Variants in MBOAT2 observed in about 807,000 individuals in gnomAD.
The protein encoded by MBOAT2 is membrane-bound glycerophospholipid O-acyltransferase 2.
MBOAT2 carries 28 observed loss-of-function variants against 63.4 expected under a neutral mutation model. The ratio of observed to expected loss-of-function variants is 0.44; its 90% confidence interval spans 0.33 to 0.61. The LOEUF (loss-of-function observed/expected upper bound fraction) is 0.61, where lower values mean the gene tolerates loss of function less well. Ranked by LOEUF, MBOAT2 falls within the 20% of genes least tolerant of loss-of-function variation. The probability of loss-of-function intolerance (pLI) is 0.03; values close to 1 mark genes in which losing one functional copy is unlikely to be tolerated. For synonymous variants in MBOAT2, 211 were observed against 215.6 expected, an observed-to-expected ratio of 0.98 and a Z score of 0.19; for missense variants, 470 against 605.8, an observed-to-expected ratio of 0.78 and a Z score of 2.35.
rs1292518689 is a variant in MBOAT2, at chr2:8,882,493, G to A, written c.506+18C>T. On this transcript the variant is annotated intron_variant, in intron 6 of 12. Coordinates refer to ENST00000305997, the MANE Select transcript of MBOAT2 (RefSeq NM_138799.4). Reference sequence around the variant, plus strand: ...GGGGCGCAGGAAGCATGGCAGAATAGGATGCAAAGGCACGTACCTTACAGC... The same window carrying A: ...GGGGCGCAGGAAGCATGGCAGAATAAGATGCAAAGGCACGTACCTTACAGC... 1 of 1,613,640 alleles carries A rather than the reference G, an allele frequency of 6.2e-7. No individual in the cohort carries two copies. Among genetic ancestry groups the A allele is most frequent in the African/African-American group, 1.3e-5 (1 of 74,926 alleles).
chr2:8,976,014 T>G (rs1050038847), intron 1 of MBOAT2, among the ~76,000 whole-genome samples: 2 of 152,078 alleles, frequency 1.3e-5, no homozygotes, highest in African/African-American at 4.8e-5. Flanking sequence ...AGCCTGTACA[T>G]CAGACACAAC....
chr2:8,870,025 C>T (rs1293662729), intron 8 of MBOAT2, among the ~76,000 whole-genome samples: 1 of 152,190 alleles, frequency 6.6e-6, no homozygotes. Context: ...CCCCTGCCCC[C>T]CAGTCTCCCA....
intron 8 of MBOAT2, among the ~76,000 whole-genome samples, chr2:8,871,093 A>G (rs956503866): frequency 6.6e-6 from 1 of 152,050 alleles, no homozygotes; most frequent in Non-Finnish European, 1.5e-5. Flanking sequence ...TTCCCTGGCT[A>G]AAGCGGTACT....
intron 4 of MBOAT2, among the ~76,000 whole-genome samples, chr2:8,900,748 C>T (rs185523681): frequency 2.5e-4 from 38 of 152,274 alleles, no homozygotes; most frequent in African/African-American, 9.1e-4. Flanking sequence ...TATTCTCCTT[C>T]AATGAAAAGA....
intron 1 of MBOAT2, among the ~76,000 whole-genome samples, chr2:8,988,265 T>C (rs1671696953): frequency 6.6e-6 from 1 of 152,182 alleles, no homozygotes; most frequent in African/African-American, 2.4e-5. Flanking sequence ...AGTGACCATC[T>C]GATAGCCTAA....
At chr2:8,920,338 C>A (rs1417416470) in intron 3 of MBOAT2, among the ~76,000 whole-genome samples, 1 of 152,168 alleles carries the variant, frequency 6.6e-6, no homozygotes, top group Non-Finnish European at 1.5e-5. Flanking sequence ...TGTCAAAAAT[C>A]AACTGACCAT....
At chr2:8,873,978 T>C (rs1273968733) in intron 7 of MBOAT2, among the ~76,000 whole-genome samples, 1 of 152,210 alleles carries the variant, frequency 6.6e-6, no homozygotes, top group East Asian at 1.9e-4. Context: ...TTCAACTTCA[T>C]TTGGTATAAA....
At chr2:8,914,952 T>G (rs1484728612) in intron 3 of MBOAT2, among the ~76,000 whole-genome samples, 1 of 140,772 alleles carries the variant, frequency 7.1e-6, no homozygotes, top group Admixed American at 7.0e-5. Flanking sequence ...TTTTTTTTTT[T>G]TTTTTTGAGA....
In MBOAT2 at chr2:8,858,754, G is replaced by A; in HGVS notation, c.1488C>T (p.Asn496=). The A allele has an allele frequency of 6.2e-7, 1 of 1,613,928 alleles. No individual in the cohort carries two copies. Among genetic ancestry groups the A allele is most frequent in the Non-Finnish European group, 8.5e-7 (1 of 1,179,976 alleles). Residue 496 remains asparagine (N), a synonymous_variant, in exon 13 of 13, where the codon AAC becomes AAT. Transcript: ENST00000305997. ...AAACATTGTTTGTTGTAGAAAAACT[G>A]TTCTGTCCCAAAGAATTTTCTCCTT... ...FDEGENSLGQ[N]SFSTTNNVCN... is the part of the protein sequence containing the mutation.
intron 3 of MBOAT2, among the ~76,000 whole-genome samples, chr2:8,922,244 C>T (rs758690117): frequency 6.6e-6 from 1 of 152,116 alleles, no homozygotes; most frequent in Non-Finnish European, 1.5e-5. Flanking sequence ...TCTTTATTTA[C>T]ATTCCCTATT....
At chr2:8,955,110 TC>T (rs746624454) in intron 2 of MBOAT2, among the ~76,000 whole-genome samples, 1 of 152,126 alleles carries the variant, frequency 6.6e-6, no homozygotes, top group Non-Finnish European at 1.5e-5. Flanking sequence ...CCTACCCCAC[TC>T]CAGAGCAGGT....
intron 1 of MBOAT2, among the ~76,000 whole-genome samples, chr2:8,996,248 T>C (rs142112102): frequency 3.3e-4 from 50 of 152,328 alleles, no homozygotes; most frequent in Middle Eastern, 3.4e-3. Context: ...AGCCTGATTA[T>C]AGTGGTTTTA....
intron 6 of MBOAT2, among the ~76,000 whole-genome samples, chr2:8,879,595 C>T (rs893912312): frequency 2.0e-5 from 3 of 152,106 alleles, no homozygotes; most frequent in African/African-American, 7.2e-5. Flanking sequence ...ACACTTTGGG[C>T]CCATGATTCT....
chr2:8,918,668 C>T (rs889394075), intron 3 of MBOAT2, among the ~76,000 whole-genome samples: 1 of 152,172 alleles, frequency 6.6e-6, no homozygotes, highest in Non-Finnish European at 1.5e-5. Flanking sequence ...AATTATAGTT[C>T]CTATCAGAAA....
intron 1 of MBOAT2, among the ~76,000 whole-genome samples, chr2:8,962,641 A>C (rs1669696202): frequency 6.6e-6 from 1 of 152,164 alleles, no homozygotes; most frequent in Non-Finnish European, 1.5e-5. Context: ...GAGATAGTTT[A>C]TTACTGCAGC....
intron 1 of MBOAT2, among the ~76,000 whole-genome samples, chr2:8,990,848 A>G (rs1240612496): frequency 2.0e-5 from 3 of 152,230 alleles, no homozygotes; most frequent in Admixed American, 1.3e-4. Flanking sequence ...AGGTGAAGAC[A>G]TAACTAGTCT....
chr2:8,909,623 C>CA (rs1407124701), intron 3 of MBOAT2, among the ~76,000 whole-genome samples: 2 of 152,090 alleles, frequency 1.3e-5, no homozygotes, highest in East Asian at 3.8e-4. Context: ...GTCATGTAGG[C>CA]AGTTCAGGTG....
chr2:8,952,365 C>T (rs1668897204), intron 2 of MBOAT2, among the ~76,000 whole-genome samples: 1 of 152,094 alleles, frequency 6.6e-6, no homozygotes, highest in African/African-American at 2.4e-5. Context: ...AAGTACATTC[C>T]ATGTGCAGAT....
intron 4 of MBOAT2, 176 bp downstream of exon 4, chr2:8,908,445 G>C (rs1665486972): frequency 9.5e-6 from 5 of 524,212 alleles, no homozygotes; most frequent in Non-Finnish European, 1.7e-5. Context: ...TACTGACTTA[G>C]ATAGTACTAA....
Sources: gnomAD v4.1 joint callset for allele counts (sites outside exome capture counted in the v4.1 genomes callset) on GRCh38, gnomAD v4.1.1 for gene constraint, MANE v1.5 for transcripts, NCBI Gene and HGNC (gene_info 2026-07-23, HGNC 2026-07-21) for gene names.